SIL1: variants seen among roughly 807,000 people sequenced by gnomAD.
The protein encoded by SIL1 is SIL1 nucleotide exchange factor.
In SIL1, 40 loss-of-function variants were observed where a neutral mutation model predicts 49.1. The observed-to-expected ratio is 0.81, with a 90% CI of 0.63 to 1.06. The LOEUF (loss-of-function observed/expected upper bound fraction) is 1.06. Among genes scored for constraint, SIL1 ranks in the 50% least tolerant of loss-of-function variants. The pLI is 0.00. For missense variants in SIL1, 500 were observed against 572.6 expected, an observed-to-expected ratio of 0.87 and a Z score of 1.29; for synonymous variants, 253 against 250.8, an observed-to-expected ratio of 1.01 and a Z score of -0.08.
chr5:139,122,570 G>A lies in SIL1; in HGVS notation c.106-1397C>T, dbSNP rs531373156. 4.0e-5 allele frequency among the ~76,000 whole-genome samples: 6 copies of A among 151,786 alleles called. No homozygotes were observed. The South Asian group carries it at 1.3e-3, about 32-fold the overall frequency. ...AGATGGCACCACCACACTTCAGCCT[G>A]TGTGACAGAGCAAGACCCTGTCTCA... is the stretch of plus-strand genomic sequence containing the variant. On this transcript the variant is annotated intron_variant, in intron 2 of 9. Transcript: ENST00000394817.
At chr5:139,181,285 C>G (rs1751977832) in intron 1 of SIL1, among the ~76,000 whole-genome samples, 1 of 152,166 alleles carries the variant, frequency 6.6e-6, no homozygotes, top group African/African-American at 2.4e-5. Flanking sequence ...CACCATGCCT[C>G]TAGTCACAGT....
chr5:139,083,158 G>A (rs545736894), intron 3 of SIL1, among the ~76,000 whole-genome samples: 36 of 152,300 alleles, frequency 2.4e-4, no homozygotes, highest in South Asian at 2.1e-3. Flanking sequence ...GGAGGGGAAG[G>A]GGAATATAAG....
intron 7 of SIL1, among the ~76,000 whole-genome samples, chr5:139,005,321 T>A (rs1231792324): frequency 6.6e-6 from 1 of 152,076 alleles, no homozygotes; most frequent in Non-Finnish European, 1.5e-5. Context: ...TCACTTTTGA[T>A]AGCCTATTGT....
At chr5:139,023,324 G>A (rs572922367) in intron 6 of SIL1, among the ~76,000 whole-genome samples, 10 of 152,268 alleles carry the variant, frequency 6.6e-5, no homozygotes, top group Middle Eastern at 6.8e-3. Flanking sequence ...GGCTGCCTTC[G>A]GGGTGGGGTG....
intron 7 of SIL1, among the ~76,000 whole-genome samples, chr5:138,984,858 G>A (rs1441529023): frequency 1.3e-5 from 2 of 152,206 alleles, no homozygotes; most frequent in African/African-American, 4.8e-5. Flanking sequence ...CGATGCCTCT[G>A]ATAAGAACAA....
chr5:139,119,941 T>TA (rs1467301523), intron 3 of SIL1, among the ~76,000 whole-genome samples: 1 of 152,214 alleles, frequency 6.6e-6, no homozygotes, highest in Non-Finnish European at 1.5e-5. Context: ...TTGGATCTGC[T>TA]GAACCCAGTA....
intron 3 of SIL1, among the ~76,000 whole-genome samples, chr5:139,097,681 T>C (rs1383266381): frequency 6.6e-6 from 1 of 152,052 alleles, no homozygotes; most frequent in African/African-American, 2.4e-5. Flanking sequence ...TTTCACCATA[T>C]TGGCCAGGCT....
chr5:139,042,688 G>A lies in SIL1; in HGVS notation c.385C>T (p.Gln129Ter). The A allele has an allele frequency of 6.2e-7, 1 of 1,614,132 alleles. No homozygotes were observed. Among genetic ancestry groups the A allele is most frequent in the Non-Finnish European group, 8.5e-7 (1 of 1,180,012 alleles). Residue 129 changes from glutamine to a stop codon, truncating the protein, a stop_gained, in exon 5 of 10, where the codon CAG becomes TAG. Transcript: ENST00000394817. LOFTEE classifies it high-confidence loss of function. ...TTTGCCAGTGCACTCTTGAGATCCT[G>A]AGATGTGTAGGTGTTGGTGTTGATA... ...LDINTNTYTS[Q>*]DLKSALAKFK...
chr5:138,981,812 G>A (rs187852001), intron 7 of SIL1, among the ~76,000 whole-genome samples: 21 of 152,158 alleles, frequency 1.4e-4, no homozygotes, highest in African/African-American at 3.4e-4. Context: ...CTGCTCTCGC[G>A]TGCTCTCAAT....
intron 5 of SIL1, chr5:139,035,242 TC>T: frequency 2.1e-6 from 1 of 468,428 alleles, no homozygotes; most frequent in Non-Finnish European, 4.1e-6. Flanking sequence ...AACTGAGCAG[TC>T]CCCAGGATCT....
intron 1 of SIL1, among the ~76,000 whole-genome samples, chr5:139,171,814 A>G (rs1315626297): frequency 2.0e-5 from 3 of 152,062 alleles, no homozygotes; most frequent in African/African-American, 4.8e-5. Context: ...CTTTAAAGCA[A>G]CAGCCTTAAA....
chr5:138,947,847 T>TG lies in SIL1; in HGVS notation c.1030-375dup, dbSNP rs1766670019. ...CCTGCTCCACCACTGACTTGCTGAA[T>TG]GACCATGGCTGGCACTTAGCCTCCC... On this transcript the variant is annotated intron_variant, in intron 9 of 9. Transcript: ENST00000394817. This position sits in a 1 kb window ranked among gnomAD's most constrained non-coding sequence, Gnocchi z 4.1. 6.6e-6 allele frequency among the ~76,000 whole-genome samples: 1 copy of TG among 152,220 alleles called. No individual in the cohort carries two copies. Among genetic ancestry groups the TG allele is most frequent in the South Asian group, 2.1e-4 (1 of 4,836 alleles).
intron 7 of SIL1, among the ~76,000 whole-genome samples, chr5:138,978,539 T>C (rs899701324): frequency 6.6e-6 from 1 of 152,270 alleles, no homozygotes; most frequent in African/African-American, 2.4e-5. Context: ...GTTTCACTTC[T>C]CTTGGGTACA....
chr5:139,026,705 G>A, intron 6 of SIL1, 96 bp downstream of exon 6: 6 of 1,094,900 alleles, frequency 5.5e-6, no homozygotes, highest in African/African-American at 1.5e-5. Context: ...TGGGAGAGAA[G>A]TAAAGATGTT....
At chr5:139,162,854 G>A (rs1465820720) in intron 1 of SIL1, among the ~76,000 whole-genome samples, 3 of 151,992 alleles carry the variant, frequency 2.0e-5, no homozygotes, top group Admixed American at 6.6e-5. Flanking sequence ...AAGCAGAAAA[G>A]CAAGAAAAAT....
intron 3 of SIL1, among the ~76,000 whole-genome samples, chr5:139,111,069 T>G (rs1770828427): frequency 6.6e-6 from 1 of 152,196 alleles, no homozygotes; most frequent in Admixed American, 6.5e-5. Flanking sequence ...TAACTGGACT[T>G]TTCCTAATAC....
At chr5:139,129,536 G>A (rs1375026029) in intron 1 of SIL1, among the ~76,000 whole-genome samples, 2 of 152,206 alleles carry the variant, frequency 1.3e-5, no homozygotes, top group African/African-American at 4.8e-5. Context: ...GCTGAGCATG[G>A]TGGCGGGTGC....
chr5:139,143,383 T>C (rs2151802449), intron 1 of SIL1, among the ~76,000 whole-genome samples: 1 of 148,428 alleles, frequency 6.7e-6, no homozygotes, highest in South Asian at 2.1e-4. Context: ...TTGTTTTGTT[T>C]TGTTAAGATG....
At position 139,166,619 on chromosome 5, in the gene SIL1, T is replaced by C. The variant is rs550237349; in HGVS notation, c.-11+31650A>G. ...TTGCAGTGGGCTATCATCATGCCAT[T>C]GCATTACAGCCTGGGCAAGGAGTGA... is the stretch of plus-strand genomic sequence containing the variant. On this transcript the variant is annotated intron_variant, in intron 1 of 9. Coordinates refer to ENST00000394817, the MANE Select transcript of SIL1 (RefSeq NM_022464.5). Among the ~76,000 whole-genome samples the C allele has an allele frequency of 2.0e-5, 3 of 152,332 alleles. No individual in the cohort carries two copies. The South Asian group carries it at 6.2e-4, about 32-fold the overall frequency.
Sources: allele counts gnomAD v4.1 joint callset (sites outside exome capture counted in the v4.1 genomes callset), GRCh38; gene constraint gnomAD v4.1.1; non-coding constraint Gnocchi (gnomAD v3.1); transcripts MANE v1.5; gene names NCBI Gene and HGNC (gene_info 2026-07-23, HGNC 2026-07-21).